The following PHRF1 variants were observed in gnomAD, a reference collection of about 807,000 sequenced individuals.
The protein encoded by PHRF1 is PHD and ring finger domains 1, also known as PHD and RING finger domain-containing protein 1.
Under a neutral mutation model 128.9 loss-of-function variants are expected in PHRF1, and 53 were observed. The observed-to-expected ratio is 0.41, with a 90% confidence interval of 0.33 to 0.52. The LOEUF is 0.52. Among genes scored for constraint, PHRF1 ranks in the 20% least tolerant of loss-of-function variants. PHRF1 has a pLI of 0.21. For missense variants in PHRF1, 2,503 were observed against 2,284.5 expected (o/e 1.10, Z -1.95); for synonymous variants, 1,178 against 980.6 (o/e 1.20, Z -3.76).
chr11:581,213 T>C (rs150941591), intron 1 of PHRF1, among the ~76,000 whole-genome samples: 59 of 151,260 alleles, frequency 3.9e-4, no homozygotes, highest in African/African-American at 1.4e-3. Flanking sequence ...ATGTGAATCA[T>C]GTGTAAGGCT....
chr11:604,321 G>C (rs1320804612), intron 10 of PHRF1, among the ~76,000 whole-genome samples: 3 of 152,242 alleles, frequency 2.0e-5, no homozygotes, highest in Non-Finnish European at 4.4e-5. Context: ...GGCACGTGAG[G>C]GTGTTCACCC....
chr11:587,846 G>A (rs1472872993), intron 4 of PHRF1, among the ~76,000 whole-genome samples: 2 of 152,154 alleles, frequency 1.3e-5, no homozygotes, highest in Non-Finnish European at 2.9e-5. Context: ...AGAAAACACC[G>A]GTACGATTTG....
intron 2 of PHRF1, 148 bp from the exon 3 acceptor site, chr11:581,814 T>C: frequency 4.8e-6 from 6 of 1,237,786 alleles, no homozygotes; most frequent in South Asian, 4.8e-5. Flanking sequence ...TCCCTTTCCT[T>C]GCTTGTGCCC....
chr11:606,937 C>T lies in PHRF1; in HGVS notation c.1610-129C>T, dbSNP rs536847510. 9 of 1,405,906 alleles carry T rather than the reference C, an allele frequency of 6.4e-6. No individual in the cohort carries two copies. In the African/African-American group the frequency reaches 8.6e-5, roughly 13 times the overall value. 87.1% of individuals were successfully genotyped at this position (1,405,906 alleles called of 1,614,324 possible). A position where few individuals can be genotyped will look rare whatever the true frequency, so the allele number is the denominator to read the frequency against. ...TCCGGGTGTGGAAAGGCGAGGTGTC[C>T]ACCTCAACAGGCAGACAGGAGTTTA... On this transcript the variant is annotated intron_variant, in intron 13 of 17. Coordinates refer to ENST00000264555, the MANE Select transcript of PHRF1 (RefSeq NM_001286581.2).
chr11:610,393 G>A (rs756303654), intron 15 of PHRF1, 46 bp downstream of exon 15: 6 of 1,535,062 alleles, frequency 3.9e-6, no homozygotes, highest in South Asian at 1.2e-5. Context: ...CAGTGGCCTG[G>A]CACCCGTGCC....
Position 581,690 on chromosome 11 carries a change from C to T in PHRF1, c.94+84C>T. 7 of 1,283,338 alleles carry T rather than the reference C, an allele frequency of 5.5e-6. No individual in the cohort carries two copies. In the South Asian group the frequency reaches 1.0e-4, roughly 18 times the overall value. The allele number at this position is 1,283,338 out of a possible 1,614,324, so 79.5% of individuals were successfully genotyped here. On this transcript the variant is annotated intron_variant, in intron 2 of 17. Coordinates refer to ENST00000264555, the MANE Select transcript of PHRF1 (RefSeq NM_001286581.2). Reference sequence around the variant, plus strand: ...CCCTTTGGAGGTCGTCTGTGTGTGTCACTTGTCAACTTTCAGTCTAAAAAA... The same window carrying T: ...CCCTTTGGAGGTCGTCTGTGTGTGTTACTTGTCAACTTTCAGTCTAAAAAA...
intron 17 of PHRF1, 32 bp downstream of exon 17, chr11:611,114 C>T (rs770887295): frequency 1.2e-4 from 189 of 1,610,286 alleles, no homozygotes; most frequent in Middle Eastern, 1.6e-4. Context: ...GTGTGGGGCT[C>T]GGGGTCACGG....
Position 605,594 on chromosome 11 carries a change from C to G in PHRF1, c.1335-11C>G. On this transcript the variant is annotated splice_polypyrimidine_tract_variant and intron_variant, in intron 11 of 17. Coordinates refer to ENST00000264555, the MANE Select transcript of PHRF1 (RefSeq NM_001286581.2). The stretch of plus-strand genomic sequence containing the variant: ...TCACTTGTTCCCTTTGGCCTGTGTC[C>G]TCCCCTCTAGCAGTGAAGAGCTTTC... 6.2e-7 allele frequency: 1 copy of G among 1,612,598 alleles called. No homozygotes were observed. The highest frequency in any genetic ancestry group is 8.5e-7 in the Non-Finnish European group (1 of 1,179,306).
chr11:598,118 G>C lies in PHRF1; in HGVS notation c.895-255G>C, dbSNP rs1049506486. 6.6e-4 allele frequency among the ~76,000 whole-genome samples: 100 copies of C among 152,292 alleles called. 1 individual carries two copies. Among genetic ancestry groups the C allele is most frequent in the African/African-American group, 2.4e-3 (98 of 41,562 alleles). On this transcript the variant is annotated intron_variant, in intron 8 of 17. Coordinates refer to ENST00000264555, the MANE Select transcript of PHRF1 (RefSeq NM_001286581.2). ...CCTGCCCAGTACCTGCGCCACCCCC[G>C]CCACAGTGACTGGTGCCCTCTCGTG...
chr11:610,328 C>A lies in PHRF1; in HGVS notation c.4397C>A (p.Pro1466Gln). ...PSHVLPEPGFPDTDPSQVYSP... is the reference protein window; with the variant it reads ...PSHVLPEPGFQDTDPSQVYSP... ...CACGTGCTTCCGGAACCCGGGTTCC[C>A]AGACACAGACCCCTCTCAGGTGGGT... Residue 1466 changes from proline (P) to glutamine (Q), a missense_variant, in exon 15 of 18, where the codon CCA becomes CAA. By Grantham distance (76) the Pro-to-Gln change is moderately conservative (BLOSUM62 -1). Transcript: ENST00000264555. The A allele has an allele frequency of 6.4e-7, 1 of 1,566,418 alleles. No individual in the cohort carries two copies.
intron 10 of PHRF1, among the ~76,000 whole-genome samples, chr11:603,641 A>T (rs886301072): frequency 6.7e-6 from 1 of 149,498 alleles, no homozygotes; most frequent in African/African-American, 2.5e-5. Flanking sequence ...CTGCATCTTT[A>T]TGTGAATTTA....
Position 610,618 on chromosome 11 carries a change from T to G in PHRF1, c.4534T>G (p.Cys1512Gly), listed in dbSNP as rs374612590. The change falls in exon 16 of 18, where the codon TGT becomes GGT. Residue 1512 changes from cysteine (C) to glycine (G), a missense_variant. By Grantham distance (159) the Cys-to-Gly change is radical. Transcript: ENST00000264555. ...ILQGSLPLVG[C>G]GAAQTLAPVP... ...TCAGGGGAGCCTGCCGCTAGTGGGC[T>G]GTGGGGCAGCACAGACCCTGGCCCC... The G allele has an allele frequency of 3.1e-5, 49 of 1,606,044 alleles. No individual in the cohort carries two copies. The highest frequency in any genetic ancestry group is 1.6e-4 in the South Asian group (15 of 91,074).
rs371696222 is a variant in PHRF1, at chr11:597,487, C to A, written c.811C>A (p.Arg271=). The change falls in exon 8 of 18, where the codon CGG becomes AGG. Residue 271 remains arginine, a synonymous_variant. Transcript: ENST00000264555. This position sits in a 1 kb window ranked among gnomAD's most constrained non-coding sequence, Gnocchi z 6.5. ...GCTTCGGCCTCGAGCAGGTAGGACC[C>A]GGGCGATAGCCAGGACACGGCAGAG... ...SRLRPRAGRT[R]AIARTRQSER... is the part of the protein sequence containing the mutation. 22 of 1,612,446 alleles carry A rather than the reference C, an allele frequency of 1.4e-5. No individual in the cohort carries two copies. The highest frequency in any genetic ancestry group is 1.8e-5 in the Non-Finnish European group (21 of 1,179,566).
chr11:590,383 T>A (rs932166382), intron 4 of PHRF1, among the ~76,000 whole-genome samples: 1 of 152,128 alleles, frequency 6.6e-6, no homozygotes, highest in Non-Finnish European at 1.5e-5. Flanking sequence ...TCTTCAGTGC[T>A]AGGGAGGGCA....
chr11:581,869 C>T (rs1308792789), intron 2 of PHRF1, 93 bp from the exon 3 acceptor site: 1 of 1,451,878 alleles, frequency 6.9e-7, no homozygotes, highest in Non-Finnish European at 9.1e-7. Context: ...TTGGCAGGTG[C>T]TCCTGACGCC....
At chr11:605,485 AATCACACGTGCCGCCACATG>A in intron 11 of PHRF1, 100 bp from the exon 12 acceptor site, 2 of 1,510,808 alleles carry the variant, frequency 1.3e-6, no homozygotes, top group Non-Finnish European at 1.8e-6. Context: ...TCGGGGCCCG[AATCACACGTGCCGCCACATG>A]GCCAGTGCTC....
At position 608,772 on chromosome 11, in the gene PHRF1, A is replaced by T. The variant is rs1009316289; in HGVS notation, c.3316A>T (p.Ser1106Cys). The T allele has an allele frequency of 9.9e-6, 16 of 1,611,532 alleles. No homozygotes were observed. Among genetic ancestry groups the T allele is most frequent in the Non-Finnish European group, 1.3e-5 (15 of 1,179,608 alleles). The change falls in exon 14 of 18, where the codon AGT becomes TGT. Residue 1106 changes from serine (S) to cysteine (C), a missense_variant. Coordinates refer to ENST00000264555, the MANE Select transcript of PHRF1 (RefSeq NM_001286581.2). The stretch of plus-strand genomic sequence containing the variant: ...CAGCTCTTCCTATGAGCACTATGAG[A>T]GTAGGAAGAAGAAGAAAAGGAGATC... Reference protein sequence around the residue: ...PGSSSYEHYESRKKKKRRSAS... With the variant: ...PGSSSYEHYECRKKKKRRSAS...
At chr11:596,812 C>A in intron 6 of PHRF1, 111 bp from the exon 7 acceptor site, 1 of 837,412 alleles carries the variant, frequency 1.2e-6, no homozygotes, top group Non-Finnish European at 2.0e-6. Context: ...TAACAGAATG[C>A]ATCGCAGACT....
chr11:577,841 T>A (rs1309663432), intron 1 of PHRF1, among the ~76,000 whole-genome samples: 1 of 152,256 alleles, frequency 6.6e-6, no homozygotes. Context: ...TTAGTAACAG[T>A]TGGGACTGCC....
Sources: allele counts gnomAD v4.1 joint callset (sites outside exome capture counted in the v4.1 genomes callset), GRCh38; gene constraint gnomAD v4.1.1; non-coding constraint Gnocchi (gnomAD v3.1); transcripts MANE v1.5; gene names NCBI Gene and HGNC (gene_info 2026-07-23, HGNC 2026-07-21).